The following GLUD1 variants were observed in gnomAD, a reference collection of about 807,000 sequenced individuals.
The protein encoded by GLUD1 is glutamate dehydrogenase 1, mitochondrial.
A neutral mutation model predicts 56.0 loss-of-function variants in GLUD1; 22 were observed. That is an observed-to-expected ratio of 0.39 (90% CI 0.28 to 0.56). The LOEUF is 0.56. Ranked by LOEUF, GLUD1 falls within the 20% of genes least tolerant of loss-of-function variation. The pLI is 0.58. For synonymous variants in GLUD1, 223 were observed against 269.9 expected (o/e 0.83, Z 1.70); for missense variants, 451 against 732.0 (o/e 0.62, Z 4.43).
intron 11 of GLUD1, 82 bp downstream of exon 11, chr10:87,057,609 A>G: frequency 1.2e-6 from 1 of 810,292 alleles, no homozygotes; most frequent in Non-Finnish European, 2.2e-6. Context: ...TATGCCGCAG[A>G]TGAAATCCAT....
chr10:87,061,128 T>A, intron 6 of GLUD1, 76 bp from the exon 7 acceptor site: 1 of 1,306,716 alleles, frequency 7.7e-7, no homozygotes, highest in Non-Finnish European at 1.1e-6. Context: ...TTGACCAATG[T>A]AAATCCATAC....
chr10:87,074,522 T>C (rs774771487), intron 4 of GLUD1, 29 bp downstream of exon 4: 10 of 1,387,320 alleles, frequency 7.2e-6, no homozygotes, highest in Middle Eastern at 1.8e-4. Flanking sequence ...GTTCCCACTT[T>C]ATACCAAAAA....
intron 1 of GLUD1, among the ~76,000 whole-genome samples, chr10:87,081,971 AAAAG>A (rs1353964567): frequency 5.9e-5 from 9 of 151,870 alleles, no homozygotes; most frequent in East Asian, 1.9e-4. Context: ...AAAGAAAAAA[AAAAG>A]AACTAGTATT....
intron 6 of GLUD1, 36 bp downstream of exon 6, chr10:87,062,620 A>G: frequency 6.9e-7 from 1 of 1,444,438 alleles, no homozygotes; most frequent in South Asian, 1.2e-5. Context: ...AATGTCTATC[A>G]GTTATTAAGG....
In GLUD1 at chr10:87,093,924, G is replaced by A. The variant is rs766392628; in HGVS notation, c.445+401C>T. ...ATAATTTGACAGCTTGCATTTAGGG[G>A]AGACTCACAAAAGCCCAAGAACACT... On this transcript the variant is annotated intron_variant, in intron 1 of 12. Transcript: ENST00000277865. 2.2e-6 allele frequency: 3 copies of A among 1,346,366 alleles called. No homozygotes were observed. In the South Asian group the frequency reaches 3.7e-5, roughly 17 times the overall value. The allele number at this position is 1,346,366 out of a possible 1,614,324, so 83.4% of individuals were successfully genotyped here.
chr10:87,072,305 A>G (rs908521875), intron 4 of GLUD1, among the ~76,000 whole-genome samples: 2 of 152,198 alleles, frequency 1.3e-5, no homozygotes, highest in African/African-American at 4.8e-5. Flanking sequence ...AAATTAGTGT[A>G]CAGATTCAAT....
In GLUD1 at chr10:87,060,836, T is replaced by A. The variant is rs1206585125; in HGVS notation, c.1060-11A>T. 6 of 1,614,216 alleles carry A rather than the reference T, an allele frequency of 3.7e-6. No individual in the cohort carries two copies. Among genetic ancestry groups the A allele is most frequent in the Non-Finnish European group, 5.1e-6 (6 of 1,180,042 alleles). On this transcript the variant is annotated splice_polypyrimidine_tract_variant and intron_variant, in intron 7 of 12. Transcript: ENST00000277865. ...AATGGACCCATGTTGCTGCCATTGA[T>A]TGAAAATCACAATTAATAGCTGCAC...
At chr10:87,079,272 T>TA (rs200702603) in intron 1 of GLUD1, among the ~76,000 whole-genome samples, 152 of 142,326 alleles carry the variant, frequency 1.1e-3, no homozygotes, top group Middle Eastern at 3.6e-3. Context: ...ATTTGTATCT[T>TA]AAAAAAAAAA....
intron 10 of GLUD1, 105 bp from the exon 11 acceptor site, chr10:87,057,887 C>CA: frequency 1.4e-6 from 1 of 694,200 alleles, no homozygotes; most frequent in Non-Finnish European, 2.6e-6. Flanking sequence ...AAAACTTATA[C>CA]AGACAGAGTC....
chr10:87,061,617 C>T (rs1372900650), intron 6 of GLUD1, among the ~76,000 whole-genome samples: 1 of 151,164 alleles, frequency 6.6e-6, no homozygotes, highest in African/African-American at 2.4e-5. Flanking sequence ...TGGAGAAATA[C>T]AATTTTTTTT....
At chr10:87,056,993 G>A (rs959696575) in intron 11 of GLUD1, among the ~76,000 whole-genome samples, 1 of 151,790 alleles carries the variant, frequency 6.6e-6, no homozygotes, top group East Asian at 1.9e-4. Flanking sequence ...GCGGGGGGAG[G>A]GGGGTGGCGG....
rs919123849 is a variant in GLUD1 at position 87,094,576 on chromosome 10, T to C, written c.194A>G (p.Asn65Ser). ...GAAGCCCTCCACCATCTTGAAGAAG[T>C]TGGGGTCGTCCTCGCGGTCGGCCAC... Reference protein sequence around the residue: ...EAVADREDDPNFFKMVEGFFD... With the variant: ...EAVADREDDPSFFKMVEGFFD... Residue 65 changes from asparagine (N) to serine (S), a missense_variant, in exon 1 of 13, where the codon AAC becomes AGC. Asn to Ser is a conservative substitution (Grantham distance 46). This residue lies in a region of GLUD1 where 158 missense variants were observed against 189.7 expected (regional missense o/e 0.83). Coordinates refer to ENST00000277865, the MANE Select transcript of GLUD1 (RefSeq NM_005271.5). This position sits in a 1 kb window ranked among gnomAD's most constrained non-coding sequence, Gnocchi z 6.6. The C allele has an allele frequency of 5.0e-6, 8 of 1,611,686 alleles. No individual in the cohort carries two copies. The highest frequency in any genetic ancestry group is 6.8e-6 in the Non-Finnish European group (8 of 1,179,820).
chr10:87,093,685 CA>C (rs1841602078), intron 1 of GLUD1, among the ~76,000 whole-genome samples: 1 of 152,204 alleles, frequency 6.6e-6, no homozygotes, highest in African/African-American at 2.4e-5. Flanking sequence ...AGAGATATTA[CA>C]TTGCTTGTGA....
At chr10:87,085,974 T>C (rs1841371346) in intron 1 of GLUD1, among the ~76,000 whole-genome samples, 1 of 152,230 alleles carries the variant, frequency 6.6e-6, no homozygotes, top group South Asian at 2.1e-4. Flanking sequence ...GAATATAAAG[T>C]TGGATTTAGT....
chr10:87,062,832 T>C lies in GLUD1; in HGVS notation c.745A>G (p.Ile249Val), dbSNP rs1487570524. The change falls in exon 6 of 13, where the codon ATT becomes GTT. Residue 249 changes from isoleucine (I) to valine (V), a missense_variant. By Grantham distance (29) the Ile-to-Val change is conservative. Around this residue, in one of 4 missense-constraint regions of GLUD1, gnomAD observed 248 missense variants for 460.0 expected, o/e 0.54. Coordinates refer to ENST00000277865, the MANE Select transcript of GLUD1 (RefSeq NM_005271.5). ...TYASTIGHYDINAHACVTGKP... is the reference protein window; with the variant it reads ...TYASTIGHYDVNAHACVTGKP... The stretch of plus-strand genomic sequence containing the variant: ...CCAGTAACACAGGCGTGTGCATTAA[T>C]ATCCTGTAAGAGGGGGTAATTGAAA... The C allele has an allele frequency of 4.3e-6, 7 of 1,613,770 alleles. No individual in the cohort carries two copies. Among genetic ancestry groups the C allele is most frequent in the Non-Finnish European group, 5.9e-6 (7 of 1,179,786 alleles).
chr10:87,069,727 TATAAG>T (rs1273887043), intron 4 of GLUD1, among the ~76,000 whole-genome samples: 5 of 152,196 alleles, frequency 3.3e-5, no homozygotes, highest in African/African-American at 1.2e-4. Flanking sequence ...ACAGGGCTAG[TATAAG>T]ATAACTTTGA....
At chr10:87,061,221 C>G in intron 6 of GLUD1, 169 bp from the exon 7 acceptor site, 1 of 758,528 alleles carries the variant, frequency 1.3e-6, no homozygotes, top group South Asian at 1.4e-5. Context: ...CAATAAAATT[C>G]TCTGTTTAAG....
chr10:87,065,391 G>A (rs1330261245), intron 5 of GLUD1, among the ~76,000 whole-genome samples: 1 of 151,788 alleles, frequency 6.6e-6, no homozygotes, highest in Non-Finnish European at 1.5e-5. Context: ...ACAGGCGTGA[G>A]CCACTATGCC....
Position 87,088,037 on chromosome 10 carries a change from C to T in GLUD1, c.445+6288G>A, listed in dbSNP as rs565842932. Among the ~76,000 whole-genome samples the T allele has an allele frequency of 3.3e-5, 5 of 151,946 alleles. No homozygotes were observed. The East Asian group carries it at 7.7e-4, about 23-fold the overall frequency. On this transcript the variant is annotated intron_variant, in intron 1 of 12. Transcript: ENST00000277865. ...CAGAGGTTGTAGTGAGCCAAGATCG[C>T]GCCACTGTATGCCAGCCTGGGCAAC...
Sources: gnomAD v4.1 joint callset for allele counts (sites outside exome capture counted in the v4.1 genomes callset) on GRCh38, gnomAD v4.1.1 for gene constraint, gnomAD v4.1.1 regional missense constraint, Gnocchi (gnomAD v3.1) non-coding constraint, MANE v1.5 for transcripts, NCBI Gene and HGNC (gene_info 2026-07-23, HGNC 2026-07-21) for gene names.